UBE3B: variants seen among roughly 807,000 people sequenced by gnomAD.
UBE3B encodes the protein ubiquitin protein ligase E3B.
UBE3B carries 80 observed loss-of-function variants against 132.3 expected under a neutral mutation model. That is an observed-to-expected ratio of 0.60 (90% CI 0.50 to 0.73). UBE3B has a LOEUF of 0.73. Ranked by LOEUF, UBE3B falls within the 30% of genes least tolerant of loss-of-function variation. The pLI, the probability that UBE3B is intolerant of heterozygous loss-of-function variation, is 0.00. For synonymous variants in UBE3B, 487 were observed against 520.4 expected, an observed-to-expected ratio of 0.94 and a Z score of 0.87; for missense variants, 1,196 against 1,362.5, an observed-to-expected ratio of 0.88 and a Z score of 1.92.
In UBE3B at chr12:109,503,205, G is replaced by A. The variant is rs746352099; in HGVS notation, c.1450+15G>A. ...GATACTCACAGGTTCGCAGTCCCCA[G>A]GGCATCTTCTTCACCTCTCACATTT... On this transcript the variant is annotated intron_variant, in intron 14 of 27. Coordinates refer to ENST00000342494, the MANE Select transcript of UBE3B (RefSeq NM_130466.4). 5.0e-6 allele frequency: 8 copies of A among 1,609,368 alleles called. No homozygotes were observed. The highest frequency in any genetic ancestry group is 6.8e-6 in the Non-Finnish European group (8 of 1,176,360).
rs752383193 is a variant in UBE3B, at chr12:109,498,278, A to G, written c.865A>G (p.Ile289Val). Residue 289 changes from isoleucine (I) to valine (V), a missense_variant, in exon 11 of 28, where the codon ATA (isoleucine) becomes GTA (valine). By Grantham distance (29) the Ile-to-Val change is conservative. Transcript: ENST00000342494. Reference sequence around the variant, plus strand: ...CCATGACATGCTTCGTAAATTCATCATATTTTTAAGAGACCAAGATCGATG... The same window carrying G: ...CCATGACATGCTTCGTAAATTCATCGTATTTTTAAGAGACCAAGATCGATG... ...ESHDMLRKFI[I>V]FLRDQDRCRD... 30 of 1,614,016 alleles carry G rather than the reference A, an allele frequency of 1.9e-5. No individual in the cohort carries two copies. The highest frequency in any genetic ancestry group is 3.3e-4 in the Middle Eastern group (2 of 6,084).
chr12:109,488,838 A>G (rs1030590609), intron 7 of UBE3B, among the ~76,000 whole-genome samples, 170 bp downstream of exon 7: 1 of 152,214 alleles, frequency 6.6e-6, no homozygotes, highest in Admixed American at 6.5e-5. Flanking sequence ...CGCAGTATCC[A>G]CAATCCATTC....
chr12:109,487,548 C>T (rs1231762204), intron 6 of UBE3B, among the ~76,000 whole-genome samples: 1 of 152,176 alleles, frequency 6.6e-6, no homozygotes. Flanking sequence ...CTATGTTCCT[C>T]GGAGCCCTGG....
chr12:109,500,247 A>G (rs560537089), intron 12 of UBE3B, among the ~76,000 whole-genome samples: 1 of 152,356 alleles, frequency 6.6e-6, no homozygotes, highest in African/African-American at 2.4e-5. Context: ...ATAAATTTTT[A>G]AAAGTGTAAT....
chr12:109,501,684 C>G (rs1464163072), intron 13 of UBE3B, 150 bp downstream of exon 13: 1 of 998,134 alleles, frequency 1.0e-6, no homozygotes. Flanking sequence ...CAGAGTCTCA[C>G]TGTATTGCCC....
Position 109,484,947 on chromosome 12 carries a change from G to A in UBE3B, c.282+966G>A, listed in dbSNP as rs550301730. Among the ~76,000 whole-genome samples, 4 of 148,738 alleles carry A rather than the reference G, an allele frequency of 2.7e-5. No homozygotes were observed. In the South Asian group the frequency reaches 8.4e-4, roughly 31 times the overall value. ...AGTTTTTGTATTTTTTGTAGAGATA[G>A]GGTTTTACCTTATTGCCCAGGCTTG... On this transcript the variant is annotated intron_variant, in intron 4 of 27. Coordinates refer to ENST00000342494, the MANE Select transcript of UBE3B (RefSeq NM_130466.4).
chr12:109,513,390 A>G (rs1592939748), intron 18 of UBE3B, among the ~76,000 whole-genome samples: 1 of 152,214 alleles, frequency 6.6e-6, no homozygotes, highest in South Asian at 2.1e-4. Flanking sequence ...CGTGGTTTCA[A>G]CATGAGATTG....
At chr12:109,505,708 C>G (rs144623099) in intron 14 of UBE3B, among the ~76,000 whole-genome samples, 16 of 152,308 alleles carry the variant, frequency 1.1e-4, no homozygotes, top group Non-Finnish European at 1.9e-4. Context: ...GAGGTCTAAG[C>G]TCTAGGCATA....
the UBE3B span, among the ~76,000 whole-genome samples, chr12:109,545,734 C>T: frequency 2.1e-3 from 318 of 152,314 alleles, 1 homozygote; most frequent in African/African-American, 7.2e-3. Flanking sequence ...GCCTCCACTG[C>T]TTGTCCCACT....
At chr12:109,511,933 A>C (rs1880421144) in intron 18 of UBE3B, among the ~76,000 whole-genome samples, 1 of 152,186 alleles carries the variant, frequency 6.6e-6, no homozygotes, top group Non-Finnish European at 1.5e-5. Flanking sequence ...GAGATTTTTA[A>C]GGAGGCCTCA....
intron 18 of UBE3B, among the ~76,000 whole-genome samples, chr12:109,511,718 A>C (rs1329577729): frequency 6.6e-6 from 1 of 152,216 alleles, no homozygotes; most frequent in Non-Finnish European, 1.5e-5. Context: ...GAACTAGAGC[A>C]AGACAGCCTT....
chr12:109,534,764 G>A lies in UBE3B; in HGVS notation c.3189G>A (p.Thr1063=), dbSNP rs757814302. The change falls in exon 28 of 28, where the codon ACG becomes ACA. Residue 1063 remains threonine (T), a synonymous_variant. Transcript: ENST00000342494. The surrounding 1 kb of genome is among the most constrained non-coding windows in gnomAD (Gnocchi z 5.2). The part of the protein sequence containing the change: ...EKLRYAISMN[T]GFELS ...TGCGCTACGCCATCAGCATGAACACGGGCTTTGAACTCTCCTAGCTCCTGT... is the reference window on the plus strand; with the variant it reads ...TGCGCTACGCCATCAGCATGAACACAGGCTTTGAACTCTCCTAGCTCCTGT... The A allele has an allele frequency of 5.0e-5, 79 of 1,567,486 alleles. No homozygotes were observed. The highest frequency in any genetic ancestry group is 6.7e-5 in the Non-Finnish European group (77 of 1,156,248).
intron 18 of UBE3B, among the ~76,000 whole-genome samples, chr12:109,513,400 G>A (rs1880612010): frequency 6.6e-6 from 1 of 152,168 alleles, no homozygotes; most frequent in Admixed American, 6.5e-5. Flanking sequence ...ACATGAGATT[G>A]CACTACATTC....
intron 8 of UBE3B, 136 bp from the exon 9 acceptor site, chr12:109,490,909 G>A (rs1877365152): frequency 9.1e-7 from 1 of 1,100,860 alleles, no homozygotes; most frequent in Non-Finnish European, 1.3e-6. Context: ...AGCTGGGACT[G>A]TAGGTACAAG....
chr12:109,539,549 G>A (rs986923470), downstream of UBE3B, among the ~76,000 whole-genome samples: 2 of 152,182 alleles, frequency 1.3e-5, no homozygotes, highest in Non-Finnish European at 2.9e-5. Flanking sequence ...TCCATGAAAC[G>A]AGGATAGCAG....
chr12:109,546,027 C>T, the UBE3B span, among the ~76,000 whole-genome samples: 1 of 152,210 alleles, frequency 6.6e-6, no homozygotes, highest in Non-Finnish European at 1.5e-5. Flanking sequence ...CATGTCCCAA[C>T]AGGCTGCAGC....
chr12:109,542,521 T>A, the UBE3B span, among the ~76,000 whole-genome samples: 2 of 152,308 alleles, frequency 1.3e-5, no homozygotes, highest in East Asian at 3.9e-4. Context: ...TAACCCCCAC[T>A]ACCTCAGCAT....
chr12:109,479,140 C>T (rs78160642), intron 1 of UBE3B, among the ~76,000 whole-genome samples: 1 of 152,166 alleles, frequency 6.6e-6, no homozygotes, highest in Admixed American at 6.5e-5. Context: ...AAGGACTTGA[C>T]ACATAATGGG....
At position 109,524,030 on chromosome 12, in the gene UBE3B, G is replaced by A. The variant is rs1256332648; in HGVS notation, c.2417G>A (p.Gly806Glu). 6.2e-7 allele frequency: 1 copy of A among 1,614,126 alleles called. No homozygotes were observed. Among genetic ancestry groups the A allele is most frequent in the Non-Finnish European group, 8.5e-7 (1 of 1,180,026 alleles). The change falls in exon 22 of 28, where the codon GGG (glycine) becomes GAG (glutamate). Residue 806 changes from glycine (G) to glutamate (E), a missense_variant. By Grantham distance (98) the Gly-to-Glu change is moderately conservative (BLOSUM62 -2). Transcript: ENST00000342494. ...TCCTTCTTCCTGAGCCAACTGCTTG[G>A]GCACCACCACAGCGTCTTCTATAGC... ...FASFFLSQLL[G>E]HHHSVFYSSV...
Sources: gnomAD v4.1 joint callset for allele counts (sites outside exome capture counted in the v4.1 genomes callset) on GRCh38, gnomAD v4.1.1 for gene constraint, Gnocchi (gnomAD v3.1) non-coding constraint, MANE v1.5 for transcripts, NCBI Gene and HGNC (gene_info 2026-07-23, HGNC 2026-07-21) for gene names.